Variants in KATNIP observed in about 807,000 individuals in gnomAD.
The protein encoded by KATNIP is katanin interacting protein, also known as katanin-interacting protein.
A neutral mutation model predicts 174.0 loss-of-function variants in KATNIP; 126 were observed. The ratio of observed to expected loss-of-function variants is 0.72; its 90% CI spans 0.63 to 0.84. KATNIP has a LOEUF of 0.84. Among genes scored for constraint, KATNIP ranks in the 40% least tolerant of loss-of-function variants. The pLI, the probability that KATNIP is intolerant of heterozygous loss-of-function variation, is 0.00. For missense variants in KATNIP, 1,958 were observed against 2,109.7 expected, an observed-to-expected ratio of 0.93 and a Z score of 1.41; for synonymous variants, 810 against 835.7, an observed-to-expected ratio of 0.97 and a Z score of 0.53.
At chr16:27,698,068 C>T (rs961656754) in intron 8 of KATNIP, among the ~76,000 whole-genome samples, 2 of 152,164 alleles carry the variant, frequency 1.3e-5, no homozygotes, top group Admixed American at 1.3e-4. Context: ...TTTGAATTTT[C>T]CCAGTTGCCA....
chr16:27,689,187 A>C (rs1006037176), intron 8 of KATNIP, among the ~76,000 whole-genome samples: 1 of 152,220 alleles, frequency 6.6e-6, no homozygotes, highest in African/African-American at 2.4e-5. Context: ...AGGCCAAGGC[A>C]GGTGGATCAC....
chr16:27,576,655 C>CA lies in KATNIP; in HGVS notation c.63+2708dup, dbSNP rs527668388. 3.9e-3 allele frequency among the ~76,000 whole-genome samples: 584 copies of CA among 150,064 alleles called. 3 individuals are homozygous for CA. Among genetic ancestry groups the CA allele is most frequent in the South Asian group, 0.016 (74 of 4,742 alleles). On this transcript the variant is annotated intron_variant, in intron 2 of 27. Coordinates refer to ENST00000261588, the MANE Select transcript of KATNIP (RefSeq NM_015202.5). ...AAACAAAAAAACAAACAAAACAAAA[C>CA]AAAAAAAAACAGCAAGCTGCCAGGA...
At chr16:27,682,074 G>C (rs117868864) in intron 8 of KATNIP, among the ~76,000 whole-genome samples, 2,615 of 152,326 alleles carry the variant, frequency 0.017, 38 homozygotes, top group South Asian at 0.028. Flanking sequence ...CCAAGGTGTG[G>C]TTATCATTGA....
At chr16:27,667,629 C>G (rs2142582631) in intron 6 of KATNIP, among the ~76,000 whole-genome samples, 1 of 152,208 alleles carries the variant, frequency 6.6e-6, no homozygotes, top group East Asian at 1.9e-4. Flanking sequence ...GATCTCTACC[C>G]CCAAGACTGC....
At chr16:27,602,919 G>C (rs2075579160) in intron 2 of KATNIP, among the ~76,000 whole-genome samples, 1 of 152,142 alleles carries the variant, frequency 6.6e-6, no homozygotes, top group African/African-American at 2.4e-5. Context: ...GGCTGGTATT[G>C]AACTCCTGGG....
chr16:27,679,640 T>C (rs1405141851), intron 7 of KATNIP, among the ~76,000 whole-genome samples: 2 of 151,200 alleles, frequency 1.3e-5, no homozygotes, highest in East Asian at 3.9e-4. Context: ...TAGTCCTAGC[T>C]ACTTGGGAGG....
At chr16:27,599,169 C>A (rs372599733) in intron 2 of KATNIP, among the ~76,000 whole-genome samples, 1 of 152,272 alleles carries the variant, frequency 6.6e-6, no homozygotes, top group East Asian at 1.9e-4. Flanking sequence ...GCTTCAGGAA[C>A]ACAGCTGAGG....
At chr16:27,700,526 A>T (rs140139436) in intron 10 of KATNIP, among the ~76,000 whole-genome samples, 17 of 152,292 alleles carry the variant, frequency 1.1e-4, no homozygotes, top group Non-Finnish European at 2.4e-4. Flanking sequence ...AGCTGCTAAT[A>T]TGTGAGAGAA....
At chr16:27,642,864 T>C (rs1270258869) in intron 5 of KATNIP, among the ~76,000 whole-genome samples, 1 of 149,110 alleles carries the variant, frequency 6.7e-6, no homozygotes. Context: ...CACCTCAGCC[T>C]CCTGAAGAGC....
At chr16:27,589,739 A>G (rs2075110466) in intron 2 of KATNIP, among the ~76,000 whole-genome samples, 1 of 152,064 alleles carries the variant, frequency 6.6e-6, no homozygotes, top group African/African-American at 2.4e-5. Flanking sequence ...ATCTGTATCT[A>G]TTCTGCCCTT....
intron 4 of KATNIP, among the ~76,000 whole-genome samples, chr16:27,629,819 G>T (rs1393446985): frequency 6.6e-6 from 1 of 152,174 alleles, no homozygotes; most frequent in African/African-American, 2.4e-5. Flanking sequence ...TTAGAGGCCA[G>T]CCTGGGCAAC....
At chr16:27,713,856 ATC>A (rs369055767) in intron 13 of KATNIP, among the ~76,000 whole-genome samples, 1,029 of 65,950 alleles carry the variant, frequency 0.016, 61 homozygotes, top group Non-Finnish European at 0.022. Context: ...ATATATATAT[ATC>A]TATCTCAGAT....
intron 8 of KATNIP, among the ~76,000 whole-genome samples, chr16:27,695,180 G>A (rs2078872127): frequency 6.6e-6 from 1 of 152,142 alleles, no homozygotes; most frequent in Non-Finnish European, 1.5e-5. Context: ...ACAACTAGTA[G>A]CCCCTGGCCA....
At chr16:27,636,992 G>A (rs757396254) in intron 5 of KATNIP, among the ~76,000 whole-genome samples, 27 of 152,352 alleles carry the variant, frequency 1.8e-4, no homozygotes, top group East Asian at 1.9e-4. Flanking sequence ...CCTTGGCTCC[G>A]CCTCCTGCCA....
rs2076102132 is a variant in KATNIP, at chr16:27,618,410, G to C, written c.64-15G>C. ...CTGCATTCCGATATCACACTGCTCT[G>C]TTTCTTCATTTCAGGGTTACGCTAA... On this transcript the variant is annotated splice_polypyrimidine_tract_variant and intron_variant, in intron 2 of 27. Coordinates refer to ENST00000261588, the MANE Select transcript of KATNIP (RefSeq NM_015202.5). 6.2e-7 allele frequency: 1 copy of C among 1,601,308 alleles called. No homozygotes were observed. Among genetic ancestry groups the C allele is most frequent in the East Asian group, 2.2e-5 (1 of 44,804 alleles).
At chr16:27,690,905 T>G (rs760771030) in intron 8 of KATNIP, among the ~76,000 whole-genome samples, 1 of 152,154 alleles carries the variant, frequency 6.6e-6, no homozygotes, top group African/African-American at 2.4e-5. Flanking sequence ...GTATTACTTT[T>G]CAGGAGATGC....
chr16:27,593,963 G>A (rs1345122485), intron 2 of KATNIP, among the ~76,000 whole-genome samples: 2 of 152,082 alleles, frequency 1.3e-5, no homozygotes, highest in African/African-American at 2.4e-5. Flanking sequence ...TGTGGCTGAT[G>A]GGGCAGTGAC....
At position 27,606,548 on chromosome 16, in the gene KATNIP, G is replaced by A. The variant is rs115783135; in HGVS notation, c.64-11877G>A. On this transcript the variant is annotated intron_variant, in intron 2 of 27. Coordinates refer to ENST00000261588, the MANE Select transcript of KATNIP (RefSeq NM_015202.5). ...ACACATACACACACACTTCAAACTG[G>A]CCCAAGGAAAGAAAGGGATGTATTT... Among the ~76,000 whole-genome samples the A allele has an allele frequency of 4.5e-3, 688 of 151,344 alleles. 6 individuals are homozygous for A. Among genetic ancestry groups the A allele is most frequent in the African/African-American group, 0.016 (665 of 41,242 alleles).
intron 14 of KATNIP, among the ~76,000 whole-genome samples, chr16:27,724,670 A>G (rs1056659492): frequency 3.3e-5 from 5 of 152,194 alleles, no homozygotes; most frequent in Non-Finnish European, 5.9e-5. Flanking sequence ...CTGTTGCCAG[A>G]ATTTACCAGG....
Sources: allele counts gnomAD v4.1 joint callset (sites outside exome capture counted in the v4.1 genomes callset), GRCh38; gene constraint gnomAD v4.1.1; transcripts MANE v1.5; gene names NCBI Gene and HGNC (gene_info 2026-07-23, HGNC 2026-07-21).